The following MAGI1 variants were observed in gnomAD, a reference collection of about 807,000 sequenced individuals.
The protein encoded by MAGI1 is membrane associated guanylate kinase, WW and PDZ domain containing 1, also known as membrane-associated guanylate kinase, WW and PDZ domain-containing protein 1.
Under a neutral mutation model 139.9 loss-of-function variants are expected in MAGI1, and 58 were observed. The observed-to-expected ratio is 0.41, with a 90% confidence interval of 0.34 to 0.52. MAGI1 has a LOEUF of 0.52. Ranked by LOEUF, MAGI1 falls within the 20% of genes least tolerant of loss-of-function variation. The probability of loss-of-function intolerance (pLI) is 0.12; values close to 1 mark genes in which losing one functional copy is unlikely to be tolerated. For synonymous variants in MAGI1, 812 were observed against 737.9 expected, an observed-to-expected ratio of 1.10 and a Z score of -1.63; for missense variants, 1,874 against 1,901.6, an observed-to-expected ratio of 0.99 and a Z score of 0.27.
chr3:65,595,523 C>G (rs1422015592), intron 2 of MAGI1, among the ~76,000 whole-genome samples: 1 of 152,172 alleles, frequency 6.6e-6, no homozygotes, highest in African/African-American at 2.4e-5. Flanking sequence ...AGGCTCTAGT[C>G]TCCCCTGGGG....
At chr3:65,391,933 G>C (rs1057323093) in intron 13 of MAGI1, among the ~76,000 whole-genome samples, 2 of 152,066 alleles carry the variant, frequency 1.3e-5, no homozygotes, top group African/African-American at 4.8e-5. Flanking sequence ...GTATTTCTAG[G>C]TGTAGAAATT....
chr3:65,899,145 G>A (rs759983732), intron 1 of MAGI1, among the ~76,000 whole-genome samples: 9 of 152,056 alleles, frequency 5.9e-5, no homozygotes, highest in Non-Finnish European at 1.3e-4. Context: ...TGGAACTCCT[G>A]GGCTCAAGCA....
chr3:65,543,852 G>A lies in MAGI1; in HGVS notation c.431-50221C>T, dbSNP rs143627995. 3.4e-3 allele frequency among the ~76,000 whole-genome samples: 522 copies of A among 152,194 alleles called. 2 individuals carry two copies. Among genetic ancestry groups the A allele is most frequent in the African/African-American group, 0.012 (502 of 41,534 alleles). ...ACCACCATGGCACGTGTATACCTAT[G>A]TAACAAATCTGCACATTCTGCACAT... On this transcript the variant is annotated intron_variant, in intron 2 of 22. Transcript: ENST00000402939.
intron 2 of MAGI1, among the ~76,000 whole-genome samples, chr3:65,607,767 T>C (rs989550148): frequency 7.9e-5 from 12 of 152,204 alleles, no homozygotes; most frequent in African/African-American, 2.9e-4. Flanking sequence ...CTTAGGAGAA[T>C]TGATATGACC....
At chr3:65,440,215 T>C (rs375093304) in intron 8 of MAGI1, among the ~76,000 whole-genome samples, 1 of 152,212 alleles carries the variant, frequency 6.6e-6, no homozygotes, top group South Asian at 2.1e-4. Flanking sequence ...AGCACTGGGC[T>C]ACCAGTTTTA....
At chr3:65,794,669 C>A (rs570669599) in intron 1 of MAGI1, among the ~76,000 whole-genome samples, 2 of 152,212 alleles carry the variant, frequency 1.3e-5, no homozygotes, top group East Asian at 1.9e-4. Context: ...GATGCCCCAG[C>A]AGGAGACCCT....
At chr3:65,360,019 C>T in intron 22 of MAGI1, 1 of 985,350 alleles carries the variant, frequency 1.0e-6, no homozygotes. Flanking sequence ...CTGTGGTTGG[C>T]CATGTCTATA....
At chr3:65,620,759 G>A (rs1265806578) in intron 2 of MAGI1, among the ~76,000 whole-genome samples, 1 of 152,330 alleles carries the variant, frequency 6.6e-6, no homozygotes, top group South Asian at 2.1e-4. Flanking sequence ...TCCATGGACA[G>A]AGGCAACCTT....
intron 1 of MAGI1, among the ~76,000 whole-genome samples, chr3:65,870,157 G>A (rs189986997): frequency 5.5e-4 from 83 of 152,190 alleles, no homozygotes; most frequent in African/African-American, 1.8e-3. Context: ...ACAAATGTGC[G>A]TAATGATCAG....
In MAGI1 at chr3:66,038,293, G is replaced by C; in HGVS notation, c.16C>G (p.Gln6Glu). 6.3e-7 allele frequency: 1 copy of C among 1,589,348 alleles called. No individual in the cohort carries two copies. The change falls in exon 1 of 23, where the codon CAG becomes GAG. Residue 6 changes from glutamine (Q) to glutamate (E), a missense_variant. Physicochemically the swap from Gln to Glu is conservative, Grantham distance 29 (BLOSUM62 2). Coordinates refer to ENST00000402939, the MANE Select transcript of MAGI1 (RefSeq NM_001033057.2). Reference protein sequence around the residue: MSKVIQKKNHWTSRVH... With the variant: MSKVIEKKNHWTSRVH... ...CTGCTAGTCCAGTGGTTCTTCTTCT[G>C]GATCACTTTGGACATGATGAGTTAC...
At chr3:65,918,240 G>C (rs987247646) in intron 1 of MAGI1, among the ~76,000 whole-genome samples, 1 of 152,086 alleles carries the variant, frequency 6.6e-6, no homozygotes, top group African/African-American at 2.4e-5. Context: ...TAAATACCTA[G>C]AAGGGCATCT....
intron 1 of MAGI1, among the ~76,000 whole-genome samples, chr3:65,883,136 C>T (rs1377268400): frequency 6.6e-6 from 1 of 152,004 alleles, no homozygotes. Context: ...AGTAAAACGT[C>T]ACAGGTCTGG....
intron 1 of MAGI1, among the ~76,000 whole-genome samples, chr3:65,854,312 G>C (rs2059303192): frequency 6.6e-6 from 1 of 152,108 alleles, no homozygotes; most frequent in South Asian, 2.1e-4. Context: ...CAAAGAAGTA[G>C]CAGAAAGAAA....
chr3:65,364,946 T>C lies in MAGI1; in HGVS notation c.3197A>G (p.Glu1066Gly). ...TVTLRIIPGD[E>G]SSNATLLTNA... ...GGTCAGCAAGGTGGCATTCGAGGACTCTGCAAAGAGGGACAGAGCATAAAG... is the reference window on the plus strand; with the variant it reads ...GGTCAGCAAGGTGGCATTCGAGGACCCTGCAAAGAGGGACAGAGCATAAAG... The change falls in exon 19 of 23, where the codon GAG becomes GGG. Residue 1066 changes from glutamate to glycine, a missense_variant and splice_region_variant. Coordinates refer to ENST00000402939, the MANE Select transcript of MAGI1 (RefSeq NM_001033057.2). 1 of 1,613,558 alleles carries C rather than the reference T, an allele frequency of 6.2e-7. No individual in the cohort carries two copies. The highest frequency in any genetic ancestry group is 8.5e-7 in the Non-Finnish European group (1 of 1,179,564).
chr3:65,781,374 A>T (rs1390239), intron 1 of MAGI1, among the ~76,000 whole-genome samples: 68,174 of 151,972 alleles, frequency 0.45, 15,684 homozygotes, highest in Admixed American at 0.58. Context: ...TCATCTGAAC[A>T]TTTGATTGTT....
intron 7 of MAGI1, among the ~76,000 whole-genome samples, chr3:65,446,808 C>T (rs4234687): frequency 6.6e-6 from 1 of 152,046 alleles, no homozygotes; most frequent in Non-Finnish European, 1.5e-5. Context: ...CTCACAATGA[C>T]CACAAAGACA....
chr3:65,866,544 G>C (rs2059735256), intron 1 of MAGI1, among the ~76,000 whole-genome samples: 1 of 152,022 alleles, frequency 6.6e-6, no homozygotes, highest in Non-Finnish European at 1.5e-5. Context: ...GCTCCCACCA[G>C]CACAGAAAGA....
chr3:65,532,751 C>G (rs982417231), intron 2 of MAGI1: 2 of 152,204 alleles, frequency 1.3e-5, no homozygotes, highest in African/African-American at 4.8e-5. Flanking sequence ...AGGTTACTTA[C>G]CTTGGAGAAG....
chr3:65,367,283 C>T (rs1021906639), intron 18 of MAGI1, among the ~76,000 whole-genome samples: 1 of 152,148 alleles, frequency 6.6e-6, no homozygotes, highest in Non-Finnish European at 1.5e-5. Flanking sequence ...GATCAGATTC[C>T]ATTCTCAAAT....
Sources: gnomAD v4.1 joint callset for allele counts (sites outside exome capture counted in the v4.1 genomes callset) on GRCh38, gnomAD v4.1.1 for gene constraint, MANE v1.5 for transcripts, NCBI Gene and HGNC (gene_info 2026-07-23, HGNC 2026-07-21) for gene names.